PRKG1: variants seen among roughly 807,000 people sequenced by gnomAD.
PRKG1 encodes the protein cGMP-dependent protein kinase 1.
In PRKG1, 35 loss-of-function variants were observed where a neutral mutation model predicts 88.1. That is an observed-to-expected ratio of 0.40 (90% CI 0.30 to 0.53). The LOEUF is 0.53. PRKG1 is among the 20% of genes least tolerant of loss of function. The pLI, the probability that PRKG1 is intolerant of heterozygous loss-of-function variation, is 0.59. For missense variants in PRKG1, 540 were observed against 839.8 expected (o/e 0.64, Z 4.41); for synonymous variants, 303 against 292.5 (o/e 1.04, Z -0.37).
At chr10:51,261,881 A>ATTTTTTTT (rs375382268) in intron 2 of PRKG1, among the ~76,000 whole-genome samples, 2,257 of 120,450 alleles carry the variant, frequency 0.019, 44 homozygotes, top group South Asian at 0.039. Flanking sequence ...GGATTTTCTA[A>ATTTTTTTT]TTTTTTTTTT....
chr10:51,496,672 C>T (rs1322645282), intron 3 of PRKG1, among the ~76,000 whole-genome samples: 2 of 152,110 alleles, frequency 1.3e-5, no homozygotes, highest in African/African-American at 2.4e-5. Context: ...TGATGGCCAT[C>T]TTCATCCAAA....
chr10:51,620,231 G>T (rs987619373), intron 3 of PRKG1, among the ~76,000 whole-genome samples: 24 of 152,116 alleles, frequency 1.6e-4, no homozygotes, highest in Admixed American at 7.9e-4. Flanking sequence ...TATGAAGATT[G>T]TAGAAAGTCT....
chr10:51,282,460 G>C (rs1169390941), intron 2 of PRKG1, among the ~76,000 whole-genome samples: 1 of 152,118 alleles, frequency 6.6e-6, no homozygotes, highest in African/African-American at 2.4e-5. Context: ...TGTGAGAATT[G>C]GGATAATTAC....
intron 3 of PRKG1, among the ~76,000 whole-genome samples, chr10:51,587,673 A>C (rs1257595241): frequency 6.6e-6 from 1 of 152,174 alleles, no homozygotes; most frequent in Non-Finnish European, 1.5e-5. Flanking sequence ...CTTTTCATTT[A>C]AATACCAATC....
At chr10:51,482,008 C>G (rs1840377508) in intron 3 of PRKG1, among the ~76,000 whole-genome samples, 2 of 152,096 alleles carry the variant, frequency 1.3e-5, no homozygotes, top group African/African-American at 4.8e-5. Context: ...TTAGCATTTT[C>G]TACTCTGTAC....
intron 7 of PRKG1, among the ~76,000 whole-genome samples, chr10:52,109,706 TGA>T (rs1847510143): frequency 6.6e-6 from 1 of 151,036 alleles, no homozygotes; most frequent in Admixed American, 6.6e-5. Flanking sequence ...ATGTCGGCAG[TGA>T]GACGACATCA....
At chr10:51,574,015 T>C (rs1837822753) in intron 3 of PRKG1, among the ~76,000 whole-genome samples, 1 of 152,048 alleles carries the variant, frequency 6.6e-6, no homozygotes, top group African/African-American at 2.4e-5. Flanking sequence ...CATGTAAAAA[T>C]GTATGTCTCT....
At chr10:52,128,438 C>T in intron 7 of PRKG1, 4 of 985,336 alleles carry the variant, frequency 4.1e-6, no homozygotes, top group Non-Finnish European at 4.8e-6. Context: ...ACCAGAAGAG[C>T]CGATGTAAAT....
intron 7 of PRKG1, among the ~76,000 whole-genome samples, chr10:52,074,215 A>G (rs903199608): frequency 1.3e-5 from 2 of 152,204 alleles, no homozygotes; most frequent in African/African-American, 4.8e-5. Context: ...TTGGTTTTTT[A>G]GAAAGCTTCT....
At chr10:52,085,577 T>C (rs1589593695) in intron 7 of PRKG1, among the ~76,000 whole-genome samples, 1 of 152,264 alleles carries the variant, frequency 6.6e-6, no homozygotes, top group Middle Eastern at 3.4e-3. Context: ...TATAATAATC[T>C]GTATCACTCT....
At chr10:51,594,798 G>A (rs886352414) in intron 3 of PRKG1, among the ~76,000 whole-genome samples, 1 of 152,146 alleles carries the variant, frequency 6.6e-6, no homozygotes, top group Admixed American at 6.5e-5. Flanking sequence ...ATAAAATGGG[G>A]CATTATTTGA....
intron 5 of PRKG1, among the ~76,000 whole-genome samples, chr10:51,926,729 G>A (rs529441747): frequency 4.2e-4 from 62 of 148,152 alleles, no homozygotes; most frequent in Non-Finnish European, 5.2e-4. Flanking sequence ...TATTTTCTCT[G>A]AAAATTTCTT....
At chr10:51,003,247 C>A (rs1159748303) in intron 1 of PRKG1, among the ~76,000 whole-genome samples, 1 of 152,090 alleles carries the variant, frequency 6.6e-6, no homozygotes, top group Non-Finnish European at 1.5e-5. Flanking sequence ...GTGAAGCAAG[C>A]AATAGACAGT....
chr10:51,107,360 A>G (rs986073964), intron 1 of PRKG1, among the ~76,000 whole-genome samples: 1 of 152,286 alleles, frequency 6.6e-6, no homozygotes, highest in East Asian at 1.9e-4. Context: ...TATATGATTC[A>G]CAAGTTTAAA....
In PRKG1 at chr10:51,670,532, C is replaced by A. The variant is rs61236952; in HGVS notation, c.593-134053C>A. 1.3e-4 allele frequency among the ~76,000 whole-genome samples: 19 copies of A among 150,236 alleles called. 1 individual carries two copies. In the East Asian group the frequency reaches 3.7e-3, roughly 29 times the overall value. ...CGGGCAGATCACGAGGTCAGGAGAT[C>A]GAGACCATCCCGGCTAAAACGGTGA... On this transcript the variant is annotated intron_variant, in intron 3 of 17. Transcript: ENST00000373980.
chr10:51,551,371 A>G (rs1209756402), intron 3 of PRKG1, among the ~76,000 whole-genome samples: 2 of 151,894 alleles, frequency 1.3e-5, no homozygotes, highest in Non-Finnish European at 2.9e-5. Flanking sequence ...CTTTTATTTG[A>G]TGATCATTAA....
intron 1 of PRKG1, among the ~76,000 whole-genome samples, chr10:51,016,669 C>CTTTTTTTTTTTTTTTTTTTTTTTTTTT (rs1323068893): frequency 4.4e-4 from 10 of 22,788 alleles, no homozygotes; most frequent in Non-Finnish European, 6.6e-4. Flanking sequence ...TATTATTATC[C>CTTTTTTTTTTTTTTTTTTTTTTTTTTT]TTTCTTTTTT....
intron 3 of PRKG1, among the ~76,000 whole-genome samples, chr10:51,611,979 C>T (rs1838922489): frequency 6.6e-6 from 1 of 151,950 alleles, no homozygotes; most frequent in Non-Finnish European, 1.5e-5. Context: ...GTTTTCTACT[C>T]TTTTCTATTG....
chr10:51,422,500 A>G (rs1838445936), intron 2 of PRKG1, among the ~76,000 whole-genome samples: 1 of 152,168 alleles, frequency 6.6e-6, no homozygotes, highest in African/African-American at 2.4e-5. Flanking sequence ...TCCCAACTCC[A>G]GGCAGCTCCT....
Sources: gnomAD v4.1 joint callset for allele counts (sites outside exome capture counted in the v4.1 genomes callset) on GRCh38, gnomAD v4.1.1 for gene constraint, MANE v1.5 for transcripts, NCBI Gene and HGNC (gene_info 2026-07-23, HGNC 2026-07-21) for gene names.